The following LPP variants were observed in gnomAD, a reference collection of about 807,000 sequenced individuals.
The protein encoded by LPP is LIM domain containing preferred translocation partner in lipoma.
Under a neutral mutation model 60.4 loss-of-function variants are expected in LPP, and 38 were observed. The observed-to-expected ratio is 0.63, with a 90% CI of 0.49 to 0.83. The LOEUF (loss-of-function observed/expected upper bound fraction) is 0.83, where lower values mean the gene tolerates loss of function less well. LPP is among the 40% of genes least tolerant of loss of function. The pLI, the probability that LPP is intolerant of heterozygous loss-of-function variation, is 0.00. For missense variants in LPP, 902 were observed against 783.6 expected (o/e 1.15, Z -1.80); for synonymous variants, 328 against 290.8 (o/e 1.13, Z -1.30).
intron 1 of LPP, among the ~76,000 whole-genome samples, chr3:188,205,981 A>T (rs922170518): frequency 4.6e-5 from 7 of 152,204 alleles, no homozygotes; most frequent in Admixed American, 4.6e-4. Context: ...TATAAAAGTT[A>T]AAAAACCACT....
At chr3:188,702,800 CT>C (rs1404459438) in intron 7 of LPP, among the ~76,000 whole-genome samples, 3 of 152,200 alleles carry the variant, frequency 2.0e-5, no homozygotes, top group East Asian at 3.9e-4. Flanking sequence ...GGCAGCAAAC[CT>C]CCACTCTGAT....
At chr3:188,719,205 G>A (rs916116903) in intron 8 of LPP, among the ~76,000 whole-genome samples, 2 of 152,220 alleles carry the variant, frequency 1.3e-5, no homozygotes, top group African/African-American at 4.8e-5. Flanking sequence ...CCACCTGTAG[G>A]TTTCATCTAT....
chr3:188,690,493 A>G (rs1861874945), intron 7 of LPP, among the ~76,000 whole-genome samples: 1 of 152,344 alleles, frequency 6.6e-6, no homozygotes, highest in South Asian at 2.1e-4. Flanking sequence ...TAATGTTTCA[A>G]AAAACATTCT....
At chr3:188,173,216 AC>A (rs1343006580) in intron 1 of LPP, among the ~76,000 whole-genome samples, 5 of 152,144 alleles carry the variant, frequency 3.3e-5, no homozygotes, top group African/African-American at 7.2e-5. Flanking sequence ...AAAGCCTATT[AC>A]AGGTCAGGCG....
At chr3:188,751,249 C>G (rs1394336479) in intron 8 of LPP, among the ~76,000 whole-genome samples, 1 of 152,160 alleles carries the variant, frequency 6.6e-6, no homozygotes, top group Non-Finnish European at 1.5e-5. Flanking sequence ...AGTACCTGGG[C>G]AGATTTACCC....
At chr3:188,849,300 C>A (rs1163406172) in intron 9 of LPP, among the ~76,000 whole-genome samples, 1 of 151,866 alleles carries the variant, frequency 6.6e-6, no homozygotes, top group Admixed American at 6.5e-5. Flanking sequence ...TTATTCTGGG[C>A]AGCCATGTAC....
chr3:188,865,159 C>T (rs141379646), intron 9 of LPP, among the ~76,000 whole-genome samples: 1 of 152,274 alleles, frequency 6.6e-6, no homozygotes, highest in East Asian at 1.9e-4. Context: ...TAGCATTTTA[C>T]ATGTGAAACG....
intron 7 of LPP, among the ~76,000 whole-genome samples, chr3:188,631,049 T>A (rs1288523278): frequency 6.6e-6 from 1 of 151,812 alleles, no homozygotes; most frequent in Non-Finnish European, 1.5e-5. Flanking sequence ...AGGGTGAGGG[T>A]CGAAAAACTA....
chr3:188,791,297 A>T (rs1310786514), intron 9 of LPP, among the ~76,000 whole-genome samples: 2 of 152,192 alleles, frequency 1.3e-5, no homozygotes, highest in South Asian at 2.1e-4. Flanking sequence ...AGCTTCCTAA[A>T]GGAAAAGTGA....
chr3:188,647,830 T>C (rs1433727639), intron 7 of LPP, among the ~76,000 whole-genome samples: 1 of 152,142 alleles, frequency 6.6e-6, no homozygotes, highest in East Asian at 1.9e-4. Context: ...CATATTTTTC[T>C]CAAAAAGTGT....
intron 1 of LPP, among the ~76,000 whole-genome samples, chr3:188,198,563 T>G (rs1730172803): frequency 3.3e-5 from 5 of 152,216 alleles, no homozygotes; most frequent in Admixed American, 3.3e-4. Context: ...TCCTCATAAC[T>G]TCTTCAATAG....
At chr3:188,700,366 G>C in intron 7 of LPP, among the ~76,000 whole-genome samples, 1 of 152,144 alleles carries the variant, frequency 6.6e-6, no homozygotes, top group Admixed American at 6.5e-5. Context: ...AACTCAGGGG[G>C]CTGACATTGC....
intron 7 of LPP, among the ~76,000 whole-genome samples, chr3:188,640,020 A>G (rs1849721590): frequency 6.6e-6 from 1 of 152,152 alleles, no homozygotes; most frequent in South Asian, 2.1e-4. Context: ...ATTACTGGGT[A>G]TATACCCAAA....
chr3:188,352,605 G>C lies in LPP; in HGVS notation c.-10+10886G>C, dbSNP rs548715511. On this transcript the variant is annotated intron_variant, in intron 3 of 11. Coordinates refer to ENST00000617246, the MANE Select transcript of LPP (RefSeq NM_001375462.1). The surrounding 1 kb of genome is among the most constrained non-coding windows in gnomAD (Gnocchi z 4.4). The stretch of plus-strand genomic sequence containing the variant: ...ATTTGATGTGTGAGGACAGTGAGGC[G>C]CATTATGCGGAGGTGACTTGCTCAA... 6.6e-6 allele frequency among the ~76,000 whole-genome samples: 1 copy of C among 152,234 alleles called. No homozygotes were observed. Among genetic ancestry groups the C allele is most frequent in the Non-Finnish European group, 1.5e-5 (1 of 68,046 alleles).
chr3:188,410,989 T>A (rs1268627039), intron 4 of LPP, among the ~76,000 whole-genome samples: 1 of 152,204 alleles, frequency 6.6e-6, no homozygotes, highest in African/African-American at 2.4e-5. Flanking sequence ...AATATTTGAT[T>A]TTCCATTCCT....
chr3:188,821,822 C>A (rs1262164223), intron 9 of LPP, among the ~76,000 whole-genome samples: 1 of 151,956 alleles, frequency 6.6e-6, no homozygotes, highest in Non-Finnish European at 1.5e-5. Context: ...GTAGTTAGAC[C>A]ATTTTTTTTA....
chr3:188,252,170 C>CAT (rs10609191), intron 2 of LPP, among the ~76,000 whole-genome samples: 4,468 of 101,360 alleles, frequency 0.044, 129 homozygotes, highest in East Asian at 0.12. Context: ...CTTCCCCAAA[C>CAT]ATATATATAT....
intron 7 of LPP, among the ~76,000 whole-genome samples, chr3:188,623,285 C>A (rs9817339): frequency 6.9e-6 from 1 of 144,438 alleles, no homozygotes; most frequent in African/African-American, 2.6e-5. Context: ...TGAAAGAGAG[C>A]GTCACTCTAT....
At chr3:188,840,559 T>A (rs1392917856) in intron 9 of LPP, among the ~76,000 whole-genome samples, 2 of 152,130 alleles carry the variant, frequency 1.3e-5, no homozygotes, top group African/African-American at 2.4e-5. Flanking sequence ...AGTGCAGTGG[T>A]GCAATCATGG....
Sources: gnomAD v4.1 joint callset for allele counts (sites outside exome capture counted in the v4.1 genomes callset) on GRCh38, gnomAD v4.1.1 for gene constraint, Gnocchi (gnomAD v3.1) non-coding constraint, MANE v1.5 for transcripts, NCBI Gene and HGNC (gene_info 2026-07-23, HGNC 2026-07-21) for gene names.